Variants in PDCD2 observed in about 807,000 individuals in gnomAD.
PDCD2 encodes uS5 assembly chaperone PDCD2.
A neutral mutation model predicts 38.1 loss-of-function variants in PDCD2; 38 were observed. The observed-to-expected ratio is 1.00, with a 90% CI of 0.77 to 1.31. PDCD2 has a LOEUF of 1.31. Ranked by LOEUF, PDCD2 falls within the 50% of genes most tolerant of loss-of-function variation. The pLI is 0.00. For synonymous variants in PDCD2, 205 were observed against 168.9 expected (o/e 1.21, Z -1.66); for missense variants, 473 against 435.7 (o/e 1.09, Z -0.76).
rs1029578618 is a variant in PDCD2 at position 170,582,505 on chromosome 6, C to T, written c.658+552G>A. 17 of 1,362,252 alleles carry T rather than the reference C, an allele frequency of 1.2e-5. No individual in the cohort carries two copies. In the Admixed American group the frequency reaches 4.4e-4, roughly 35 times the overall value. The allele number at this position is 1,362,252 out of a possible 1,614,324, so 84.4% of individuals were successfully genotyped here. A position where few individuals can be genotyped will look rare whatever the true frequency, so the allele number is the denominator to read the frequency against. ...CTTCAAAATGGGGCAGTTTCTCACT[C>T]ATTGGTCTGCTGTCACGATTTTAAT... On this transcript the variant is annotated intron_variant, in intron 3 of 5. Transcript: ENST00000541970.
intron 1 of PDCD2, 48 bp from the exon 2 acceptor site, chr6:170,583,795 T>G (rs775873461): frequency 7.1e-7 from 1 of 1,418,148 alleles, no homozygotes; most frequent in Non-Finnish European, 9.8e-7. Flanking sequence ...AAAACAGCAA[T>G]TCACATATTT....
At chr6:170,582,092 G>T (rs1779623662) in intron 3 of PDCD2, 1 of 1,525,786 alleles carries the variant, frequency 6.6e-7, no homozygotes, top group South Asian at 1.2e-5. Flanking sequence ...GTATAGGCAT[G>T]AACACACGCG....
At chr6:170,580,255 A>T (rs1306230775) in intron 3 of PDCD2, 150 bp from the exon 4 acceptor site, 1 of 611,794 alleles carries the variant, frequency 1.6e-6, no homozygotes, top group African/African-American at 1.8e-5. Flanking sequence ...CAGGTACTCC[A>T]TCCAACTCTA....
At chr6:170,578,787 G>T in intron 5 of PDCD2, 70 bp downstream of exon 5, 3 of 960,022 alleles carry the variant, frequency 3.1e-6, no homozygotes, top group Non-Finnish European at 5.1e-6. Context: ...AAATTACCTT[G>T]GTGAAGTTTT....
chr6:170,582,151 C>T, intron 3 of PDCD2: 1 of 1,531,634 alleles, frequency 6.5e-7, no homozygotes, highest in Non-Finnish European at 8.7e-7. Context: ...CCCATGGCAC[C>T]TGTATTGTAC....
Position 170,583,627 on chromosome 6 carries a change from C to T in PDCD2, c.404G>A (p.Cys135Tyr), listed in dbSNP as rs769722657. 3.7e-6 allele frequency: 6 copies of T among 1,614,056 alleles called. No homozygotes were observed. Among genetic ancestry groups the T allele is most frequent in the Non-Finnish European group, 5.1e-6 (6 of 1,179,966 alleles). ...GGGGCCTAAACAGCCACAAACCCTGCAGAGATGAGCACCAGACTTAAGCTG... is the reference window on the plus strand; with the variant it reads ...GGGGCCTAAACAGCCACAAACCCTGTAGAGATGAGCACCAGACTTAAGCTG... ...CLQLKSGAHL[C>Y]RVCGCLGPKT... Residue 135 changes from cysteine (C) to tyrosine (Y), a missense_variant, in exon 2 of 6, where the codon TGC becomes TAC. Physicochemically the swap from Cys to Tyr is radical, Grantham distance 194. Coordinates refer to ENST00000541970, the MANE Select transcript of PDCD2 (RefSeq NM_002598.4).
At position 170,578,805 on chromosome 6, in the gene PDCD2, T is replaced by G; in HGVS notation, c.876+52A>C. 5.1e-6 allele frequency: 6 copies of G among 1,173,826 alleles called. No homozygotes were observed. In the Admixed American group the frequency reaches 8.5e-5, roughly 17 times the overall value. 72.7% of individuals were successfully genotyped at this position (1,173,826 alleles called of 1,614,324 possible). On this transcript the variant is annotated intron_variant, in intron 5 of 5. Coordinates refer to ENST00000541970, the MANE Select transcript of PDCD2 (RefSeq NM_002598.4). The stretch of plus-strand genomic sequence containing the variant: ...TTACCTTGGTGAAGTTTTTAATGTT[T>G]AAAAACAATCATGGTGATTACACAC...
At position 170,584,485 on chromosome 6, in the gene PDCD2, C is replaced by G; in HGVS notation, c.97G>C (p.Gly33Arg). 1 of 1,321,100 alleles carries G rather than the reference C, an allele frequency of 7.6e-7. No homozygotes were observed. The highest frequency in any genetic ancestry group is 9.6e-7 in the Non-Finnish European group (1 of 1,042,274). 81.8% of individuals were successfully genotyped at this position (1,321,100 alleles called of 1,614,324 possible). The change falls in exon 1 of 6, where the codon GGG (glycine) becomes CGG (arginine). Residue 33 changes from glycine to arginine, a missense_variant. Coordinates refer to ENST00000541970, the MANE Select transcript of PDCD2 (RefSeq NM_002598.4). The part of the protein sequence containing the change: ...RSEQFPSKVG[G>R]RPAWLGAAGL... ...GCCGCGCCCAGCCATGCCGGCCGCC[C>G]GCCCACCTTGCTGGGGAACTGCTCG...
chr6:170,582,386 T>C, intron 3 of PDCD2: 2 of 1,515,586 alleles, frequency 1.3e-6, no homozygotes, highest in Non-Finnish European at 1.8e-6. Context: ...AAATCTAATT[T>C]TGTGGTGGTT....
In PDCD2 at chr6:170,577,430, T is replaced by A. The variant is rs1779475828; in HGVS notation, c.*129A>T. 4 of 765,476 alleles carry A rather than the reference T, an allele frequency of 5.2e-6. No individual in the cohort carries two copies. The South Asian group carries it at 7.4e-5, about 14-fold the overall frequency. 47.4% of individuals were successfully genotyped at this position (765,476 alleles called of 1,614,324 possible). On this transcript the variant is annotated 3_prime_UTR_variant, in exon 6 of 6. Transcript: ENST00000541970. ...TTTTGTTTCACTAATAAGTAGACAC[T>A]GTGTAAGCAATCTGTCAACATCTCT...
At chr6:170,578,640 T>C (rs1234835946) in intron 5 of PDCD2, 13 of 703,152 alleles carry the variant, frequency 1.8e-5, no homozygotes, top group East Asian at 1.6e-4. Context: ...AGTCAGTCAA[T>C]AGACCGTGTC....
Position 170,576,870 on chromosome 6 carries a change from G to A in PDCD2, c.*689C>T, listed in dbSNP as rs1369803964. On this transcript the variant is annotated 3_prime_UTR_variant, in exon 6 of 6. Transcript: ENST00000541970. ...GAAGGTCCAGCCTCTTTAAATTCCA[G>A]TTCTGTGATCACAAAGCCACTGTTG... is the stretch of plus-strand genomic sequence containing the variant. The A allele has an allele frequency of 6.6e-6, 1 of 152,200 alleles. No homozygotes were observed. Among genetic ancestry groups the A allele is most frequent in the Non-Finnish European group, 1.5e-5 (1 of 68,056 alleles). 9.4% of individuals were successfully genotyped at this position (152,200 alleles called of 1,614,324 possible).
intron 3 of PDCD2, among the ~76,000 whole-genome samples, chr6:170,580,544 G>T (rs867692132): frequency 6.6e-6 from 1 of 152,060 alleles, no homozygotes; most frequent in Non-Finnish European, 1.5e-5. Flanking sequence ...GTGAAATCCC[G>T]TATCTACTAA....
Position 170,584,613 on chromosome 6 carries a change from A to G in PDCD2, c.-32T>C. The G allele has an allele frequency of 8.4e-7, 1 of 1,196,616 alleles. No individual in the cohort carries two copies. 74.1% of individuals were successfully genotyped at this position (1,196,616 alleles called of 1,614,324 possible). On this transcript the variant is annotated 5_prime_UTR_variant, in exon 1 of 6. Coordinates refer to ENST00000541970, the MANE Select transcript of PDCD2 (RefSeq NM_002598.4). ...CGCGGGCTGGCGTGGGGCGCAGCCCACAGCTGGGTCGGAAGGCGGAAATCG... is the reference window on the plus strand; with the variant it reads ...CGCGGGCTGGCGTGGGGCGCAGCCCGCAGCTGGGTCGGAAGGCGGAAATCG...
rs1308495515 is a variant in PDCD2, at chr6:170,576,613, T to C, written c.*946A>G. ...GGAGCCGCTTGCTTAAACAGATGTA[T>C]CAGAAACATAATAGGCCAAGGGTCA... On this transcript the variant is annotated 3_prime_UTR_variant, in exon 6 of 6. Coordinates refer to ENST00000541970, the MANE Select transcript of PDCD2 (RefSeq NM_002598.4). 6.6e-6 allele frequency: 1 copy of C among 152,208 alleles called. No homozygotes were observed. Among genetic ancestry groups the C allele is most frequent in the African/African-American group, 2.4e-5 (1 of 41,446 alleles). 9.4% of individuals were successfully genotyped at this position (152,208 alleles called of 1,614,324 possible).
chr6:170,584,216 G>A, intron 1 of PDCD2, 83 bp downstream of exon 1: 5 of 1,276,712 alleles, frequency 3.9e-6, no homozygotes, highest in South Asian at 2.5e-5. Flanking sequence ...GGTGCTTGCC[G>A]CCGTCCCCCT....
intron 5 of PDCD2, 178 bp downstream of exon 5, chr6:170,578,679 A>T (rs1472044068): frequency 1.4e-6 from 1 of 705,040 alleles, no homozygotes; most frequent in East Asian, 2.7e-5. Flanking sequence ...AAAAAACAAG[A>T]CAGTTCCTTC....
intron 5 of PDCD2, among the ~76,000 whole-genome samples, chr6:170,578,189 T>C (rs1439677582): frequency 6.6e-6 from 1 of 152,196 alleles, no homozygotes. Flanking sequence ...GGAATCACTT[T>C]ATACAAATCC....
intron 2 of PDCD2, 65 bp from the exon 3 acceptor site, chr6:170,583,253 G>C (rs1002229704): frequency 8.5e-7 from 1 of 1,183,206 alleles, no homozygotes. Flanking sequence ...ATAATTTGCT[G>C]TCTCTAAAGT....
Sources: gnomAD v4.1 joint callset for allele counts (sites outside exome capture counted in the v4.1 genomes callset) on GRCh38, gnomAD v4.1.1 for gene constraint, MANE v1.5 for transcripts, NCBI Gene and HGNC (gene_info 2026-07-23, HGNC 2026-07-21) for gene names.